NLE1: variants seen among roughly 807,000 people sequenced by gnomAD.
NLE1 encodes the protein notchless homolog 1, also known as notchless protein homolog 1.
In NLE1, 37 loss-of-function variants were observed where a neutral mutation model predicts 62.8. The observed-to-expected ratio is 0.59, with a 90% CI of 0.45 to 0.78. The LOEUF is 0.78. NLE1 is among the 30% of genes least tolerant of loss of function. The pLI is 0.00. For missense variants in NLE1, 555 were observed against 637.9 expected, an observed-to-expected ratio of 0.87 and a Z score of 1.40; for synonymous variants, 243 against 253.0, an observed-to-expected ratio of 0.96 and a Z score of 0.37.
intron 2 of NLE1, among the ~76,000 whole-genome samples, chr17:35,140,473 C>T (rs191183694): frequency 1.5e-3 from 224 of 152,294 alleles, no homozygotes; most frequent in Middle Eastern, 6.8e-3. Flanking sequence ...AGGTGATCCA[C>T]CTGCCTCGGC....
At position 35,130,083 on chromosome 17, in the gene NLE1, G is replaced by T; in HGVS notation, c.*2354C>A. ...AGGCCTGAGTACAGACAGCCCTTTGGTTGGAAATATCCCATAATGAGGAGG... is the reference window on the plus strand; with the variant it reads ...AGGCCTGAGTACAGACAGCCCTTTGTTTGGAAATATCCCATAATGAGGAGG... On this transcript the variant is annotated 3_prime_UTR_variant, in exon 13 of 13. Coordinates refer to ENST00000442241, the MANE Select transcript of NLE1 (RefSeq NM_018096.5). 7.0e-7 allele frequency: 1 copy of T among 1,421,192 alleles called. No individual in the cohort carries two copies. The highest frequency in any genetic ancestry group is 9.2e-7 in the Non-Finnish European group (1 of 1,092,856). 88.0% of individuals were successfully genotyped at this position (1,421,192 alleles called of 1,614,324 possible). A position where few individuals can be genotyped will look rare whatever the true frequency, so the allele number is the denominator to read the frequency against.
intron 3 of NLE1, 137 bp downstream of exon 3, chr17:35,139,712 G>T: frequency 1.6e-6 from 2 of 1,257,920 alleles, no homozygotes; most frequent in Non-Finnish European, 2.2e-6. Flanking sequence ...TCCCTTAATT[G>T]CAAGCTGAGT....
chr17:35,135,207 C>A (rs2142503023), intron 10 of NLE1, 42 bp downstream of exon 10: 1 of 1,593,182 alleles, frequency 6.3e-7, no homozygotes, highest in Non-Finnish European at 8.6e-7. Flanking sequence ...GCCCCTCCCA[C>A]CATTCACTCC....
intron 4 of NLE1, 25 bp from the exon 5 acceptor site, chr17:35,137,915 T>A (rs750858479): frequency 6.4e-7 from 1 of 1,574,508 alleles, no homozygotes; most frequent in Non-Finnish European, 8.7e-7. Flanking sequence ...GAGGGAGAAA[T>A]AAGGGACTAC....
chr17:35,139,565 A>T (rs1340661163), intron 3 of NLE1, among the ~76,000 whole-genome samples: 2 of 152,266 alleles, frequency 1.3e-5, no homozygotes, highest in Non-Finnish European at 2.9e-5. Context: ...AGTTTCACAG[A>T]TGAAAAATTA....
intron 2 of NLE1, among the ~76,000 whole-genome samples, chr17:35,141,776 C>T (rs2091945691): frequency 6.6e-6 from 1 of 152,168 alleles, no homozygotes. Context: ...AAGCTAGGCC[C>T]CTCTCCGCAG....
At position 35,142,271 on chromosome 17, in the gene NLE1, G is replaced by A. The variant is rs770095048; in HGVS notation, c.5C>T (p.Ala2Val). The change falls in exon 1 of 13, where the codon GCG becomes GTG. Residue 2 changes from alanine (A) to valine (V), a missense_variant. By Grantham distance (64) the Ala-to-Val change is moderately conservative. Transcript: ENST00000442241. MAAAVPDEAVAR... is the reference protein window; with the variant it reads MVAAVPDEAVAR... Reference sequence around the variant, plus strand: ...ACGCACACCCACCGGCACTGCTGCCGCCATCCTGCGTCCCCACGTGGAGGA... The same window carrying A: ...ACGCACACCCACCGGCACTGCTGCCACCATCCTGCGTCCCCACGTGGAGGA... The A allele has an allele frequency of 1.3e-6, 2 of 1,542,096 alleles. No individual in the cohort carries two copies. The highest frequency in any genetic ancestry group is 2.4e-5 in the East Asian group (1 of 40,914).
chr17:35,139,763 C>T, intron 3 of NLE1, 86 bp downstream of exon 3: 1 of 1,546,246 alleles, frequency 6.5e-7, no homozygotes, highest in Non-Finnish European at 8.7e-7. Flanking sequence ...GAGGCCCCAT[C>T]AATTATAACT....
At chr17:35,142,154 G>C (rs1303784961) in intron 1 of NLE1, 32 bp from the exon 2 acceptor site, 1 of 1,607,470 alleles carries the variant, frequency 6.2e-7, no homozygotes, top group African/African-American at 1.3e-5. Flanking sequence ...GAGTCAGTCT[G>C]GTCGCCCGCC....
At position 35,137,653 on chromosome 17, in the gene NLE1, A is replaced by C. The variant is rs2091917488; in HGVS notation, c.538-13T>G. The C allele has an allele frequency of 1.9e-6, 3 of 1,603,402 alleles. No homozygotes were observed. The highest frequency in any genetic ancestry group is 2.6e-6 in the Non-Finnish European group (3 of 1,174,588). On this transcript the variant is annotated splice_polypyrimidine_tract_variant and intron_variant, in intron 5 of 12. Coordinates refer to ENST00000442241, the MANE Select transcript of NLE1 (RefSeq NM_018096.5). ...CCCAGAGGAGAATCTGAAGGACAGAAGCTCACTGAATAATCCTCCCCAACA... is the reference window on the plus strand; with the variant it reads ...CCCAGAGGAGAATCTGAAGGACAGACGCTCACTGAATAATCCTCCCCAACA...
chr17:35,131,484 G>C lies in NLE1; in HGVS notation c.*953C>G, dbSNP rs1360383538. The C allele has an allele frequency of 6.6e-6, 1 of 152,300 alleles. No individual in the cohort carries two copies. The highest frequency in any genetic ancestry group is 1.5e-5 in the Non-Finnish European group (1 of 68,076). The allele number at this position is 152,300 out of a possible 1,614,324, so 9.4% of individuals were successfully genotyped here. A position where few individuals can be genotyped will look rare whatever the true frequency, so the allele number is the denominator to read the frequency against. Reference sequence around the variant, plus strand: ...AGGGCAAGATCTCGGCCTGGGGTCTGAGTCCTGATGGGAATTCCTTTCACT... The same window carrying C: ...AGGGCAAGATCTCGGCCTGGGGTCTCAGTCCTGATGGGAATTCCTTTCACT... On this transcript the variant is annotated 3_prime_UTR_variant, in exon 13 of 13. Transcript: ENST00000442241.
intron 3 of NLE1, 110 bp from the exon 4 acceptor site, chr17:35,139,424 G>A (rs2091929250): frequency 1.1e-6 from 1 of 877,952 alleles, no homozygotes; most frequent in Admixed American, 2.0e-5. Context: ...GCCCCTGGAA[G>A]GGAGAAAGAC....
At chr17:35,140,357 T>C (rs926680181) in intron 2 of NLE1, among the ~76,000 whole-genome samples, 1 of 148,282 alleles carries the variant, frequency 6.7e-6, no homozygotes, top group African/African-American at 2.5e-5. Context: ...GCCTCCCGAG[T>C]AGCTGGGATT....
chr17:35,137,674 C>A (rs1346134148), intron 5 of NLE1, 34 bp from the exon 6 acceptor site: 1 of 1,575,300 alleles, frequency 6.3e-7, no homozygotes, highest in Non-Finnish European at 8.7e-7. Context: ...TAATCCTCCC[C>A]AACAGGTCTC....
chr17:35,136,924 G>A lies in NLE1; in HGVS notation c.828+77C>T. The A allele has an allele frequency of 3.0e-6, 4 of 1,345,272 alleles. No individual in the cohort carries two copies. In the South Asian group the frequency reaches 4.0e-5, roughly 13 times the overall value. The allele number at this position is 1,345,272 out of a possible 1,614,324, so 83.3% of individuals were successfully genotyped here. A position where few individuals can be genotyped will look rare whatever the true frequency, so the allele number is the denominator to read the frequency against. ...TCTGGGAAACACTGGACTCGCTGAT[G>A]TCAAGGTCATTCTGAGTGCCAGCAT... is the stretch of plus-strand genomic sequence containing the variant. On this transcript the variant is annotated intron_variant, in intron 7 of 12. Coordinates refer to ENST00000442241, the MANE Select transcript of NLE1 (RefSeq NM_018096.5).
At chr17:35,140,866 A>G (rs2091939471) in intron 2 of NLE1, among the ~76,000 whole-genome samples, 1 of 152,216 alleles carries the variant, frequency 6.6e-6, no homozygotes, top group Non-Finnish European at 1.5e-5. Flanking sequence ...CTGGGATTAC[A>G]GGCATAAGCC....
In NLE1 at chr17:35,129,420, A is replaced by G; in HGVS notation, c.*3017T>C. ...AAGCCTCGGGGCTCTCTCTTCCCCT[A>G]GATTTCCTGGACCTACGCCTTGGGC... On this transcript the variant is annotated 3_prime_UTR_variant, in exon 13 of 13. Coordinates refer to ENST00000442241, the MANE Select transcript of NLE1 (RefSeq NM_018096.5). 6.2e-7 allele frequency: 1 copy of G among 1,612,878 alleles called. No individual in the cohort carries two copies. The highest frequency in any genetic ancestry group is 8.5e-7 in the Non-Finnish European group (1 of 1,178,976).
chr17:35,134,760 C>T (rs991521751), intron 10 of NLE1, among the ~76,000 whole-genome samples: 7 of 152,176 alleles, frequency 4.6e-5, no homozygotes, highest in South Asian at 2.1e-4. Flanking sequence ...TCATTAAATC[C>T]GTGTAACTAG....
chr17:35,133,552 C>T (rs960227171), intron 10 of NLE1, 54 bp from the exon 11 acceptor site: 20 of 1,518,686 alleles, frequency 1.3e-5, no homozygotes, highest in South Asian at 3.6e-5. Flanking sequence ...TCTTTCAACA[C>T]GTCTGAAGGG....
Sources: allele counts gnomAD v4.1 joint callset (sites outside exome capture counted in the v4.1 genomes callset), GRCh38; gene constraint gnomAD v4.1.1; transcripts MANE v1.5; gene names NCBI Gene and HGNC (gene_info 2026-07-23, HGNC 2026-07-21).